Variants in GRID2 observed in about 807,000 individuals in gnomAD.
GRID2 encodes glutamate receptor ionotropic, delta-2.
GRID2 carries 33 observed loss-of-function variants against 114.8 expected under a neutral mutation model. That is an observed-to-expected ratio of 0.29 (90% CI 0.22 to 0.38). GRID2 has a LOEUF of 0.38. Among genes scored for constraint, GRID2 ranks in the 10% least tolerant of loss-of-function variants. GRID2 has a pLI of 1.00. For synonymous variants in GRID2, 505 were observed against 449.9 expected, an observed-to-expected ratio of 1.12 and a Z score of -1.55; for missense variants, 1,184 against 1,257.7, an observed-to-expected ratio of 0.94 and a Z score of 0.89.
chr4:93,300,575 T>A (rs889287018), intron 8 of GRID2, among the ~76,000 whole-genome samples: 2 of 152,116 alleles, frequency 1.3e-5, no homozygotes, highest in African/African-American at 4.8e-5. Flanking sequence ...GGCAAATATA[T>A]CTTACTATTA....
intron 2 of GRID2, among the ~76,000 whole-genome samples, chr4:92,605,531 G>A (rs1729415353): frequency 6.6e-6 from 1 of 152,036 alleles, no homozygotes; most frequent in Non-Finnish European, 1.5e-5. Context: ...GGTAGAATGT[G>A]TATGATTTAA....
At chr4:92,460,032 CTATATATA>C (rs373743453) in intron 1 of GRID2, among the ~76,000 whole-genome samples, 662 of 48,400 alleles carry the variant, frequency 0.014, 134 homozygotes, top group East Asian at 0.085. Context: ...ATAAATCTCA[CTATATATA>C]TATATATATA....
At chr4:92,588,676 CTCAAA>C (rs1728569981) in intron 1 of GRID2, among the ~76,000 whole-genome samples, 1 of 72,796 alleles carries the variant, frequency 1.4e-5, no homozygotes, top group African/African-American at 7.0e-5. Flanking sequence ...GAGACTCCGT[CTCAAA>C]AAAAAAAAAA....
intron 2 of GRID2, among the ~76,000 whole-genome samples, chr4:92,910,034 G>T (rs140108267): frequency 2.3e-3 from 348 of 152,108 alleles, no homozygotes; most frequent in Non-Finnish European, 3.4e-3. Context: ...GAGAGGAAAG[G>T]AGGAAAGGAT....
intron 10 of GRID2, among the ~76,000 whole-genome samples, chr4:93,429,432 G>A (rs1769185894): frequency 6.6e-6 from 1 of 151,986 alleles, no homozygotes; most frequent in Admixed American, 6.5e-5. Flanking sequence ...AATTCCTTTG[G>A]GGTTTATATG....
intron 1 of GRID2, among the ~76,000 whole-genome samples, chr4:92,545,384 T>G (rs1726193273): frequency 6.6e-6 from 1 of 152,150 alleles, no homozygotes; most frequent in Admixed American, 6.5e-5. Flanking sequence ...TCATACCAGT[T>G]TTTCTCTTGC....
intron 2 of GRID2, among the ~76,000 whole-genome samples, chr4:92,832,820 T>G (rs1441094620): frequency 6.6e-6 from 1 of 152,124 alleles, no homozygotes; most frequent in African/African-American, 2.4e-5. Flanking sequence ...TGAAATCTAT[T>G]TAGTCCTGTT....
At chr4:92,387,754 A>T (rs753324963) in intron 1 of GRID2, among the ~76,000 whole-genome samples, 1 of 152,048 alleles carries the variant, frequency 6.6e-6, no homozygotes, top group African/African-American at 2.4e-5. Context: ...GACTTTCTCA[A>T]TGTAGAAGGG....
chr4:92,690,816 T>TA lies in GRID2; in HGVS notation c.244+100540dup, dbSNP rs796832525. 6.9e-4 allele frequency among the ~76,000 whole-genome samples: 103 copies of TA among 148,480 alleles called. No individual in the cohort carries two copies. In the East Asian group the frequency reaches 9.4e-3, roughly 14 times the overall value. Reference sequence around the variant, plus strand: ...ATGTTCTTAACTGGCTTTATTCAATTAAAAAAAAAACCAACCAAAAACCTT... The same window carrying TA: ...ATGTTCTTAACTGGCTTTATTCAATTAAAAAAAAAAACCAACCAAAAACCTT... On this transcript the variant is annotated intron_variant, in intron 2 of 15. Coordinates refer to ENST00000282020, the MANE Select transcript of GRID2 (RefSeq NM_001510.4).
At chr4:92,745,226 G>A (rs190364938) in intron 2 of GRID2, among the ~76,000 whole-genome samples, 3 of 152,240 alleles carry the variant, frequency 2.0e-5, no homozygotes, top group Non-Finnish European at 4.4e-5. Flanking sequence ...AAATGACAAA[G>A]TTAAGTGATA....
chr4:92,944,743 A>T (rs1284444990), intron 2 of GRID2, among the ~76,000 whole-genome samples: 1 of 152,222 alleles, frequency 6.6e-6, no homozygotes, highest in African/African-American at 2.4e-5. Flanking sequence ...AATCTACATA[A>T]ACTCGTGTAC....
intron 1 of GRID2, among the ~76,000 whole-genome samples, chr4:92,401,786 G>A (rs2110282247): frequency 6.6e-6 from 1 of 152,212 alleles, no homozygotes; most frequent in Admixed American, 6.5e-5. Flanking sequence ...ACAGAGTAGT[G>A]GTTGCTGATG....
intron 13 of GRID2, among the ~76,000 whole-genome samples, chr4:93,521,790 A>C (rs1730362978): frequency 6.6e-6 from 1 of 152,186 alleles, no homozygotes; most frequent in Non-Finnish European, 1.5e-5. Context: ...CAGAGAGCCA[A>C]GTGATAAAAT....
intron 1 of GRID2, among the ~76,000 whole-genome samples, chr4:92,482,929 A>G (rs1175390681): frequency 6.6e-6 from 1 of 152,204 alleles, no homozygotes; most frequent in Non-Finnish European, 1.5e-5. Flanking sequence ...ACATCTGTGA[A>G]CTATAAATAC....
chr4:93,257,537 G>T (rs1749732342), intron 8 of GRID2, among the ~76,000 whole-genome samples: 1 of 151,594 alleles, frequency 6.6e-6, no homozygotes, highest in Non-Finnish European at 1.5e-5. Flanking sequence ...TCTATAGATA[G>T]AAGACATTTA....
intron 9 of GRID2, among the ~76,000 whole-genome samples, chr4:93,405,428 G>A (rs1766315561): frequency 6.6e-6 from 1 of 152,046 alleles, no homozygotes; most frequent in Non-Finnish European, 1.5e-5. Flanking sequence ...TTGTATATGT[G>A]GTAGCCATGC....
At chr4:92,423,443 G>C (rs1439733691) in intron 1 of GRID2, among the ~76,000 whole-genome samples, 2 of 152,072 alleles carry the variant, frequency 1.3e-5, no homozygotes, top group East Asian at 3.9e-4. Context: ...GATGGATATT[G>C]AGGTGTACAT....
intron 4 of GRID2, among the ~76,000 whole-genome samples, chr4:93,187,335 G>T (rs552618472): frequency 1.3e-5 from 2 of 152,062 alleles, no homozygotes; most frequent in South Asian, 4.2e-4. Context: ...GGAGTGCAGT[G>T]GTGTGATCTC....
Position 92,304,600 on chromosome 4 carries a change from T to G in GRID2, c.-57T>G, listed in dbSNP as rs1490594438. On this transcript the variant is annotated 5_prime_UTR_variant, in exon 1 of 16. Transcript: ENST00000282020. ...GTGACCTCAAACTCTTTGGACTGTT[T>G]GAAAAAAAAAAAATTGGAAGAAAAT... 5.0e-6 allele frequency: 6 copies of G among 1,200,204 alleles called. No homozygotes were observed. Among genetic ancestry groups the G allele is most frequent in the Non-Finnish European group, 7.5e-6 (6 of 804,502 alleles). The allele number at this position is 1,200,204 out of a possible 1,614,324, so 74.3% of individuals were successfully genotyped here. A position where few individuals can be genotyped will look rare whatever the true frequency, so the allele number is the denominator to read the frequency against.
Sources: gnomAD v4.1 joint callset for allele counts (sites outside exome capture counted in the v4.1 genomes callset) on GRCh38, gnomAD v4.1.1 for gene constraint, MANE v1.5 for transcripts, NCBI Gene and HGNC (gene_info 2026-07-23, HGNC 2026-07-21) for gene names.